NEDD9: variants seen among roughly 807,000 people sequenced by gnomAD.
The protein encoded by NEDD9 is neural precursor cell expressed, developmentally down-regulated 9.
Under a neutral mutation model 76.6 loss-of-function variants are expected in NEDD9, and 26 were observed. That is an observed-to-expected ratio of 0.34 (90% CI 0.25 to 0.47). The LOEUF is 0.47. Among genes scored for constraint, NEDD9 ranks in the 20% least tolerant of loss-of-function variants. The probability of loss-of-function intolerance (pLI) is 1.00; values close to 1 mark genes in which losing one functional copy is unlikely to be tolerated. For missense variants in NEDD9, 937 were observed against 1,058.5 expected (o/e 0.89, Z 1.59); for synonymous variants, 392 against 414.2 (o/e 0.95, Z 0.65).
intron 1 of NEDD9, among the ~76,000 whole-genome samples, chr6:11,356,610 T>G (rs1418388674): frequency 6.6e-6 from 1 of 152,056 alleles, no homozygotes; most frequent in Non-Finnish European, 1.5e-5. Context: ...GGCTGGAATT[T>G]GCATTCCTAA....
At chr6:11,360,254 A>G (rs1762654328) in intron 1 of NEDD9, among the ~76,000 whole-genome samples, 1 of 152,244 alleles carries the variant, frequency 6.6e-6, no homozygotes, top group Non-Finnish European at 1.5e-5. Context: ...ATATGAGGAA[A>G]GGGTTCAAAT....
In NEDD9 at chr6:11,190,026, A is replaced by C. The variant is rs767160727; in HGVS notation, c.1843T>G (p.Cys615Gly). Residue 615 changes from cysteine (C) to glycine (G), a missense_variant, in exon 5 of 7, where the codon TGT (cysteine) becomes GGT (glycine). By Grantham distance (159) the Cys-to-Gly change is radical. Coordinates refer to ENST00000379446, the MANE Select transcript of NEDD9 (RefSeq NM_006403.4). The surrounding 1 kb of genome is among the most constrained non-coding windows in gnomAD (Gnocchi z 5.8). ...PGLSKEQAPD[C>G]SSSDGSERSW... Reference sequence around the variant, plus strand: ...CTCTCAGAACCATCACTGCTGCTACAGTCAGGGGCCTGCTCCTTGCTCAGG... The same window carrying C: ...CTCTCAGAACCATCACTGCTGCTACCGTCAGGGGCCTGCTCCTTGCTCAGG... 6.5e-7 allele frequency: 1 copy of C among 1,545,238 alleles called. No individual in the cohort carries two copies. Among genetic ancestry groups the C allele is most frequent in the Non-Finnish European group, 8.7e-7 (1 of 1,147,536 alleles).
chr6:11,202,428 T>A (rs891885145), intron 2 of NEDD9, among the ~76,000 whole-genome samples: 1 of 152,232 alleles, frequency 6.6e-6, no homozygotes, highest in Admixed American at 6.5e-5. Flanking sequence ...ATTTGATCCC[T>A]TCCCTTTAAA....
chr6:11,218,599 G>A (rs1759045759), intron 1 of NEDD9, among the ~76,000 whole-genome samples: 4 of 152,210 alleles, frequency 2.6e-5, no homozygotes, highest in South Asian at 4.1e-4. Flanking sequence ...CCCAGTATCC[G>A]AAACAAAATA....
At chr6:11,203,269 T>A (rs1300695679) in intron 2 of NEDD9, among the ~76,000 whole-genome samples, 1 of 152,134 alleles carries the variant, frequency 6.6e-6, no homozygotes, top group Admixed American at 6.5e-5. Context: ...GAAATGTTCT[T>A]TGAAAGAAAA....
chr6:11,379,360 G>A (rs9469023), intron 1 of NEDD9, among the ~76,000 whole-genome samples: 4,065 of 152,214 alleles, frequency 0.027, 203 homozygotes, highest in African/African-American at 0.093. Flanking sequence ...GGCTAAGGTG[G>A]GCGGGTCACC....
chr6:11,302,502 C>T (rs563454779), intron 3 of NEDD9, among the ~76,000 whole-genome samples: 1 of 152,286 alleles, frequency 6.6e-6, no homozygotes, highest in East Asian at 1.9e-4. Context: ...GGGAATCCTC[C>T]CTAACTCATT....
At position 11,252,031 on chromosome 6, in the gene NEDD9, C is replaced by T. The variant is rs1366271988; in HGVS notation, c.13-38304G>A. Among the ~76,000 whole-genome samples, 1 of 152,142 alleles carries T rather than the reference C, an allele frequency of 6.6e-6. No individual in the cohort carries two copies. The highest frequency in any genetic ancestry group is 6.5e-5 in the Admixed American group (1 of 15,278). On this transcript the variant is annotated intron_variant, in intron 3 of 3. Coordinates refer to the NEDD9 transcript ENST00000397378. The surrounding 1 kb of genome is among the most constrained non-coding windows in gnomAD (Gnocchi z 4.3). ...GCAAAAGCATATCTGGGTGCTTTCG[C>T]TCCACCTCAGGGTTGAAGGCTGTGT...
At chr6:11,309,241 T>C (rs754535174) in intron 2 of NEDD9, among the ~76,000 whole-genome samples, 4 of 152,274 alleles carry the variant, frequency 2.6e-5, no homozygotes, top group Non-Finnish European at 5.9e-5. Context: ...AGCTGTAGTT[T>C]GTAATTTGCA....
At chr6:11,233,935 AAC>A (rs1247317389), upstream of NEDD9, among the ~76,000 whole-genome samples, 2 of 152,010 alleles carry the variant, frequency 1.3e-5, no homozygotes, top group East Asian at 3.9e-4. Context: ...CTTCGCGTCT[AAC>A]ACACAAATTC....
intron 2 of NEDD9, among the ~76,000 whole-genome samples, chr6:11,328,239 T>C (rs778721568): frequency 4.6e-5 from 7 of 152,226 alleles, no homozygotes; most frequent in Admixed American, 1.3e-4. Flanking sequence ...TTCTGTGCCC[T>C]GTTGTGTGCT....
chr6:11,306,265 T>C (rs1329020181), intron 2 of NEDD9: 12 of 527,796 alleles, frequency 2.3e-5, no homozygotes, highest in Non-Finnish European at 2.7e-5. Context: ...AAATCCATAG[T>C]CTTGTGAATG....
intron 2 of NEDD9, among the ~76,000 whole-genome samples, chr6:11,312,224 G>C (rs1761392787): frequency 6.6e-6 from 1 of 152,082 alleles, no homozygotes. Context: ...CACCCCATCT[G>C]TTAATCCAAA....
intron 1 of NEDD9, among the ~76,000 whole-genome samples, chr6:11,365,712 G>C (rs189417321): frequency 2.6e-5 from 4 of 152,182 alleles, no homozygotes; most frequent in Admixed American, 2.6e-4. Context: ...AAATGGGGCC[G>C]GGCGCAGTGG....
intron 3 of NEDD9, among the ~76,000 whole-genome samples, chr6:11,244,054 G>T (rs141019906): frequency 7.6e-4 from 116 of 152,256 alleles, no homozygotes; most frequent in African/African-American, 2.7e-3. Flanking sequence ...CCACCATGTG[G>T]GTGGGCCTCA....
chr6:11,255,740 C>T (rs1333268028), intron 3 of NEDD9, among the ~76,000 whole-genome samples: 1 of 151,952 alleles, frequency 6.6e-6, no homozygotes, highest in Non-Finnish European at 1.5e-5. Flanking sequence ...AGGATTTTTC[C>T]CTTAATCCCT....
intron 1 of NEDD9, among the ~76,000 whole-genome samples, chr6:11,380,373 G>A (rs188390009): frequency 2.0e-5 from 3 of 152,322 alleles, no homozygotes; most frequent in East Asian, 1.9e-4. Context: ...GAAGGGCCCC[G>A]CCACTGTGGG....
At chr6:11,217,195 C>A (rs567050553) in intron 1 of NEDD9, among the ~76,000 whole-genome samples, 1 of 152,286 alleles carries the variant, frequency 6.6e-6, no homozygotes, top group South Asian at 2.1e-4. Flanking sequence ...TTCAGCTGGA[C>A]CATAAACCAT....
chr6:11,190,321 C>T lies in NEDD9; in HGVS notation c.1548G>A (p.Leu516=), dbSNP rs770598792. Residue 516 remains leucine, a synonymous_variant, in exon 5 of 7, where the codon TTG becomes TTA. Transcript: ENST00000379446. This position sits in a 1 kb window ranked among gnomAD's most constrained non-coding sequence, Gnocchi z 5.8. ...ACTTGTTCTGGGGCTTGTTGATGGCCAAGATATTCAGGGACCAGCTGCACT... is the reference window on the plus strand; with the variant it reads ...ACTTGTTCTGGGGCTTGTTGATGGCTAAGATATTCAGGGACCAGCTGCACT... ...LNECSWSLNI[L]AINKPQNKCD... 13 of 1,614,188 alleles carry T rather than the reference C, an allele frequency of 8.1e-6. No individual in the cohort carries two copies. The highest frequency in any genetic ancestry group is 1.1e-5 in the Non-Finnish European group (13 of 1,180,036).
Sources: allele counts gnomAD v4.1 joint callset (sites outside exome capture counted in the v4.1 genomes callset), GRCh38; gene constraint gnomAD v4.1.1; non-coding constraint Gnocchi (gnomAD v3.1); transcripts MANE v1.5; gene names NCBI Gene and HGNC (gene_info 2026-07-23, HGNC 2026-07-21).